Variants in SLC34A3 observed in about 807,000 individuals in gnomAD.
SLC34A3 encodes sodium-dependent phosphate transport protein 2C.
Under a neutral mutation model 43.9 loss-of-function variants are expected in SLC34A3, and 60 were observed. That is an observed-to-expected ratio of 1.37 (90% CI 1.11 to 1.70). SLC34A3 has a LOEUF of 1.70. SLC34A3 is among the 40% of genes most tolerant of loss of function. The probability of loss-of-function intolerance (pLI) is 0.00; values close to 1 mark genes in which losing one functional copy is unlikely to be tolerated. For synonymous variants in SLC34A3, 451 were observed against 386.2 expected, an observed-to-expected ratio of 1.17 and a Z score of -1.97; for missense variants, 969 against 823.8, an observed-to-expected ratio of 1.18 and a Z score of -2.16.
intron 7 of SLC34A3, 84 bp from the exon 8 acceptor site, chr9:137,233,549 T>C: frequency 6.4e-7 from 1 of 1,556,436 alleles, no homozygotes; most frequent in Non-Finnish European, 8.9e-7. Flanking sequence ...TGGGCAGGGC[T>C]GGGCTGGACC....
Position 137,232,779 on chromosome 9 carries a change from T to C in SLC34A3, c.305-5T>C, listed in dbSNP as rs1319156616. 5 of 1,612,900 alleles carry C rather than the reference T, an allele frequency of 3.1e-6. No homozygotes were observed. Among genetic ancestry groups the C allele is most frequent in the Non-Finnish European group, 2.5e-6 (3 of 1,180,002 alleles). ...AGCTTCAGCGCACCTCTCTTGCCGGTGTAGGCAAAGTGGCCGGAGACATCT... is the reference window on the plus strand; with the variant it reads ...AGCTTCAGCGCACCTCTCTTGCCGGCGTAGGCAAAGTGGCCGGAGACATCT... On this transcript the variant is annotated splice_region_variant and splice_polypyrimidine_tract_variant and intron_variant, in intron 4 of 12. Coordinates refer to ENST00000673835, the MANE Select transcript of SLC34A3 (RefSeq NM_001177316.2).
At chr9:137,235,759 C>T (rs147368324) in intron 12 of SLC34A3, among the ~76,000 whole-genome samples, 193 bp from the exon 13 acceptor site, 6 of 152,342 alleles carry the variant, frequency 3.9e-5, no homozygotes, top group Non-Finnish European at 7.4e-5. Context: ...CTCCCAGGAG[C>T]GTGCGGGAGG....
In SLC34A3 at chr9:137,232,893, C is replaced by A; in HGVS notation, c.414C>A (p.Ser138=). The A allele has an allele frequency of 6.2e-7, 1 of 1,610,158 alleles. No homozygotes were observed. The highest frequency in any genetic ancestry group is 2.2e-5 in the East Asian group (1 of 44,630). Residue 138 remains serine (S), a synonymous_variant, in exon 5 of 13, where the codon TCC becomes TCA. Coordinates refer to ENST00000673835, the MANE Select transcript of SLC34A3 (RefSeq NM_001177316.2). ...CCCTGGTGCAGAGTTCCAGCACGTC[C>A]TCCTCCATCGTGGTCAGCATGGTGG... ...VTALVQSSST[S]SSIVVSMVAA...
rs1428471779 is a variant in SLC34A3, at chr9:137,234,721, G to A, written c.1325G>A (p.Ser442Asn). The A allele has an allele frequency of 2.5e-6, 4 of 1,609,880 alleles. No individual in the cohort carries two copies. The highest frequency in any genetic ancestry group is 3.4e-6 in the Non-Finnish European group (4 of 1,179,808). The change falls in exon 12 of 13, where the codon AGC (serine) becomes AAC (asparagine). Residue 442 changes from serine (S) to asparagine (N), a missense_variant. Physicochemically the swap from Ser to Asn is conservative, Grantham distance 46. Coordinates refer to ENST00000673835, the MANE Select transcript of SLC34A3 (RefSeq NM_001177316.2). This position sits in a 1 kb window ranked among gnomAD's most constrained non-coding sequence, Gnocchi z 6.9. ...ALASPADRML[S>N]ALQVALIHFF... ...GCCAGCCCCGCAGACAGGATGCTCA[G>A]CGCCCTGCAGGTACTGTCCACCCTG... is the stretch of plus-strand genomic sequence containing the variant.
rs1836476424 is a variant in SLC34A3, at chr9:137,234,554, C to G, written c.1210+22C>G. On this transcript the variant is annotated intron_variant, in intron 11 of 12. Transcript: ENST00000673835. The surrounding 1 kb of genome is among the most constrained non-coding windows in gnomAD (Gnocchi z 6.9). ...ATGGGTGAGCAGGCAGGACAGAGGCCTCGGGAACGGGGGCTCGGGCTGGGG... is the reference window on the plus strand; with the variant it reads ...ATGGGTGAGCAGGCAGGACAGAGGCGTCGGGAACGGGGGCTCGGGCTGGGG... 1.2e-6 allele frequency: 2 copies of G among 1,609,458 alleles called. No homozygotes were observed. Among genetic ancestry groups the G allele is most frequent in the South Asian group, 2.2e-5 (2 of 91,018 alleles).
chr9:137,232,443 T>C (rs900148212), intron 3 of SLC34A3, 132 bp from the exon 4 acceptor site: 1 of 1,321,592 alleles, frequency 7.6e-7, no homozygotes, highest in East Asian at 2.5e-5. Flanking sequence ...GCCCTGGGGG[T>C]TACGGAAGAG....
rs748004842 is a variant in SLC34A3, at chr9:137,236,399, G to A, written c.1783G>A (p.Ala595Thr). ...CTGCTACGAGAACCCTGAGATCTTG[G>A]CCTCCCAGCAGTTGTGACGGGCAGT... ...AYCYENPEIL[A>T]SQQL is the part of the protein sequence containing the mutation. Residue 595 changes from alanine to threonine, a missense_variant, in exon 13 of 13, where the codon GCC (alanine) becomes ACC (threonine). Physicochemically the swap from Ala to Thr is moderately conservative, Grantham distance 58. Coordinates refer to ENST00000673835, the MANE Select transcript of SLC34A3 (RefSeq NM_001177316.2). The A allele has an allele frequency of 3.4e-5, 52 of 1,537,318 alleles. No individual in the cohort carries two copies. Among genetic ancestry groups the A allele is most frequent in the Non-Finnish European group, 4.2e-5 (48 of 1,146,712 alleles).
rs374715670 is a variant in SLC34A3, at chr9:137,233,398, C to G, written c.750C>G (p.Ile250Met). The G allele has an allele frequency of 3.1e-6, 5 of 1,603,246 alleles. No individual in the cohort carries two copies. The African/African-American group carries it at 5.4e-5, about 17-fold the overall frequency. The change falls in exon 7 of 13, where the codon ATC becomes ATG. Residue 250 changes from isoleucine (I) to methionine (M), a missense_variant. Coordinates refer to ENST00000673835, the MANE Select transcript of SLC34A3 (RefSeq NM_001177316.2). ...KVLTKPLTHLIVQLDSDMIMS... is the reference protein window; with the variant it reads ...KVLTKPLTHLMVQLDSDMIMS... ...TGACGAAGCCGCTCACACACCTCAT[C>G]GTGCAGGTGAGGACGGCCACCGCCC...
chr9:137,234,407 C>A lies in SLC34A3; in HGVS notation c.1094-9C>A, dbSNP rs1310490592. ...GCGCTGGCCAGGGCTGACCCGGCAT[C>A]CCCCACAGACTTCCCCTTCCCGCTG... is the stretch of plus-strand genomic sequence containing the variant. On this transcript the variant is annotated splice_polypyrimidine_tract_variant and intron_variant, in intron 10 of 12. Coordinates refer to ENST00000673835, the MANE Select transcript of SLC34A3 (RefSeq NM_001177316.2). The surrounding 1 kb of genome is among the most constrained non-coding windows in gnomAD (Gnocchi z 6.9). 12 of 1,597,196 alleles carry A rather than the reference C, an allele frequency of 7.5e-6. No homozygotes were observed. The highest frequency in any genetic ancestry group is 9.3e-6 in the Non-Finnish European group (11 of 1,178,456).
rs750369891 is a variant in SLC34A3 at position 137,233,102 on chromosome 9, G to A, written c.547G>A (p.Asp183Asn). 5.4e-6 allele frequency: 8 copies of A among 1,489,800 alleles called. No homozygotes were observed. In the Admixed American group the frequency reaches 9.0e-5, roughly 17 times the overall value. The allele number at this position is 1,489,800 out of a possible 1,614,324, so 92.3% of individuals were successfully genotyped here. ...LVSMAQSGDR[D>N]EFQRAFSGSA... ...CTCAATGGCGCAGTCAGGGGACCGG[G>A]ATGAATTTCAGAGGTGAGTTGTGGG... The change falls in exon 6 of 13, where the codon GAT (aspartate) becomes AAT (asparagine). Residue 183 changes from aspartate (D) to asparagine (N), a missense_variant. Coordinates refer to ENST00000673835, the MANE Select transcript of SLC34A3 (RefSeq NM_001177316.2).
In SLC34A3 at chr9:137,236,440, CCCACCCTCCCCG is replaced by C. The variant is rs1296714949; in HGVS notation, c.*25_*36del. 6 of 1,530,572 alleles carry C rather than the reference CCCACCCTCCCCG, an allele frequency of 3.9e-6. No homozygotes were observed. The highest frequency in any genetic ancestry group is 5.3e-6 in the Non-Finnish European group (6 of 1,141,886). The allele number at this position is 1,530,572 out of a possible 1,614,324, so 94.8% of individuals were successfully genotyped here. On this transcript the variant is annotated 3_prime_UTR_variant, in exon 13 of 13. Coordinates refer to ENST00000673835, the MANE Select transcript of SLC34A3 (RefSeq NM_001177316.2). The stretch of plus-strand genomic sequence containing the variant: ...GACGGGCAGTTGCTGAGCAGACCGC[CCCACCCTCCCCG>C]GCTGGGAGGGCTCTGGAGGGCCCTG...
At chr9:137,230,600 C>G (rs1836159107), upstream of SLC34A3, among the ~76,000 whole-genome samples, 2 of 152,188 alleles carry the variant, frequency 1.3e-5, no homozygotes, top group Non-Finnish European at 2.9e-5. Flanking sequence ...GAGTGTGTCT[C>G]TTGGGTCACA....
At chr9:137,233,587 C>A in intron 7 of SLC34A3, 46 bp from the exon 8 acceptor site, 1 of 1,594,178 alleles carries the variant, frequency 6.3e-7, no homozygotes, top group South Asian at 1.1e-5. Flanking sequence ...CCGGGTGAGT[C>A]CTGAGAGAGG....
chr9:137,234,699 A>G lies in SLC34A3; in HGVS notation c.1303A>G (p.Ser435Gly). 1.2e-6 allele frequency: 2 copies of G among 1,611,748 alleles called. No individual in the cohort carries two copies. Among genetic ancestry groups the G allele is most frequent in the South Asian group, 1.1e-5 (1 of 91,078 alleles). Residue 435 changes from serine to glycine, a missense_variant, in exon 12 of 13, where the codon AGC becomes GGC. Coordinates refer to ENST00000673835, the MANE Select transcript of SLC34A3 (RefSeq NM_001177316.2). The surrounding 1 kb of genome is among the most constrained non-coding windows in gnomAD (Gnocchi z 6.9). ...CACAGCCCTGCTGGCTGCCCTGGCC[A>G]GCCCCGCAGACAGGATGCTCAGCGC... ...TTTALLAALA[S>G]PADRMLSALQ...
chr9:137,235,806 G>A (rs552117887), intron 12 of SLC34A3, 146 bp from the exon 13 acceptor site: 80 of 744,530 alleles, frequency 1.1e-4, no homozygotes, highest in East Asian at 8.3e-4. Flanking sequence ...GCCACAGCCC[G>A]CCTCCCAGAC....
chr9:137,233,287 G>C lies in SLC34A3; in HGVS notation c.639G>C (p.Thr213=), dbSNP rs758138530. The stretch of plus-strand genomic sequence containing the variant: ...TCCTGCTGCCACTGGAGAGCGCCAC[G>C]GCCCTGCTGGAGAGGCTAAGTGAGC... ...VLVLLPLESA[T]ALLERLSELA... The change falls in exon 7 of 13, where the codon ACG becomes ACC. Residue 213 remains threonine, a synonymous_variant. Coordinates refer to ENST00000673835, the MANE Select transcript of SLC34A3 (RefSeq NM_001177316.2). The C allele has an allele frequency of 1.3e-6, 2 of 1,590,054 alleles. No homozygotes were observed. The highest frequency in any genetic ancestry group is 1.1e-5 in the South Asian group (1 of 88,102).
intron 1 of SLC34A3, 29 bp from the exon 2 acceptor site, chr9:137,231,635 G>C: frequency 1.5e-6 from 2 of 1,352,828 alleles, no homozygotes; most frequent in Non-Finnish European, 2.1e-6. Context: ...AGGAGGAAAT[G>C]TCTCTGACAC....
intron 3 of SLC34A3, 142 bp from the exon 4 acceptor site, chr9:137,232,433 G>A: frequency 3.2e-6 from 4 of 1,264,304 alleles, no homozygotes; most frequent in Non-Finnish European, 4.4e-6. Flanking sequence ...CCCGGGCCCT[G>A]CCCTGGGGGT....
Position 137,233,719 on chromosome 9 carries a change from G to GCCCA in SLC34A3, c.845_846insCACC (p.Gln284AspfsTer310), listed in dbSNP as rs776920726. 1 of 1,612,450 alleles carries GCCCA rather than the reference G, an allele frequency of 6.2e-7. No homozygotes were observed. Among genetic ancestry groups the GCCCA allele is most frequent in the African/African-American group, 1.3e-5 (1 of 74,990 alleles). ...AGCACTGGTGCGGCACCACGGGGCA[G>GCCCA]CCGGTGAGGCACCCAACCCTAGGCC... On this transcript the variant is annotated frameshift_variant, in exon 8 of 13. Transcript: ENST00000673835. LOFTEE classifies it high-confidence loss of function.
Sources: gnomAD v4.1 joint callset for allele counts (sites outside exome capture counted in the v4.1 genomes callset) on GRCh38, gnomAD v4.1.1 for gene constraint, Gnocchi (gnomAD v3.1) non-coding constraint, MANE v1.5 for transcripts, NCBI Gene and HGNC (gene_info 2026-07-23, HGNC 2026-07-21) for gene names.